ADGRL3: variants seen among roughly 807,000 people sequenced by gnomAD.
ADGRL3 encodes adhesion G protein-coupled receptor L3, also known as calcium-independent alpha-latrotoxin receptor 3.
A neutral mutation model predicts 153.5 loss-of-function variants in ADGRL3; 62 were observed. The observed-to-expected ratio is 0.40, with a 90% CI of 0.33 to 0.50. The LOEUF is 0.50. Among genes scored for constraint, ADGRL3 ranks in the 20% least tolerant of loss-of-function variants. The pLI, the probability that ADGRL3 is intolerant of heterozygous loss-of-function variation, is 0.47. For missense variants in ADGRL3, 1,641 were observed against 1,859.4 expected, an observed-to-expected ratio of 0.88 and a Z score of 2.16; for synonymous variants, 710 against 672.5, an observed-to-expected ratio of 1.06 and a Z score of -0.86.
intron 21 of ADGRL3, among the ~76,000 whole-genome samples, chr4:62,017,169 T>C (rs959613772): frequency 6.6e-5 from 10 of 152,074 alleles, no homozygotes; most frequent in African/African-American, 2.2e-4. Context: ...CTTCTAAGGT[T>C]TATACCAGTT....
intron 4 of ADGRL3, among the ~76,000 whole-genome samples, chr4:61,576,762 A>G (rs1214045849): frequency 2.6e-5 from 4 of 151,716 alleles, no homozygotes; most frequent in Non-Finnish European, 4.4e-5. Flanking sequence ...TCTAGTTGCT[A>G]CAAACATGCA....
intron 1 of ADGRL3, among the ~76,000 whole-genome samples, chr4:61,236,279 G>C (rs1027922355): frequency 1.3e-5 from 2 of 151,878 alleles, no homozygotes; most frequent in African/African-American, 4.8e-5. Flanking sequence ...CAAAGTGCTG[G>C]GATTACAGGC....
intron 8 of ADGRL3, among the ~76,000 whole-genome samples, chr4:61,758,521 C>A (rs971405108): frequency 2.0e-5 from 3 of 152,020 alleles, no homozygotes; most frequent in African/African-American, 7.2e-5. Flanking sequence ...TTTCTGTTTT[C>A]CATTTGCTTG....
chr4:62,020,729 G>A (rs2099233909), intron 21 of ADGRL3, among the ~76,000 whole-genome samples: 1 of 152,062 alleles, frequency 6.6e-6, no homozygotes, highest in Non-Finnish European at 1.5e-5. Context: ...CATTCCACAT[G>A]TGATGTTATG....
chr4:61,220,159 A>G (rs1365518597), intron 1 of ADGRL3, among the ~76,000 whole-genome samples: 2 of 151,880 alleles, frequency 1.3e-5, no homozygotes, highest in Non-Finnish European at 2.9e-5. Flanking sequence ...AAAGTCATCC[A>G]TGGCTGGAAC....
chr4:61,747,122 T>C (rs533853149), intron 8 of ADGRL3, among the ~76,000 whole-genome samples: 73 of 152,242 alleles, frequency 4.8e-4, no homozygotes, highest in African/African-American at 1.7e-3. Context: ...AATGGATAAA[T>C]TCCTCGACAC....
chr4:61,850,538 G>A (rs1427723826), intron 9 of ADGRL3, among the ~76,000 whole-genome samples: 1 of 152,158 alleles, frequency 6.6e-6, no homozygotes, highest in Non-Finnish European at 1.5e-5. Context: ...TTTAGCTCCT[G>A]TGTCTAATTT....
At chr4:61,366,352 T>C (rs1037353968) in intron 1 of ADGRL3, among the ~76,000 whole-genome samples, 1 of 152,142 alleles carries the variant, frequency 6.6e-6, no homozygotes, top group African/African-American at 2.4e-5. Context: ...ACAAGTGGAG[T>C]ATAGCCTGAC....
intron 17 of ADGRL3, 134 bp downstream of exon 17, chr4:61,948,410 G>C (rs1180531739): frequency 8.4e-6 from 5 of 595,152 alleles, no homozygotes; most frequent in Admixed American, 6.4e-5. Flanking sequence ...GGAACTCTCT[G>C]ATGTTCAAAC....
chr4:61,505,903 T>G (rs2098425114), intron 3 of ADGRL3, among the ~76,000 whole-genome samples: 1 of 152,038 alleles, frequency 6.6e-6, no homozygotes, highest in Non-Finnish European at 1.5e-5. Flanking sequence ...GGTTAATAAA[T>G]GTTGATACTG....
At chr4:61,368,016 T>C (rs1393469090) in intron 1 of ADGRL3, among the ~76,000 whole-genome samples, 2 of 151,532 alleles carry the variant, frequency 1.3e-5, no homozygotes, top group Non-Finnish European at 3.0e-5. Context: ...TCATGTGTTT[T>C]TTGGCTGCAT....
chr4:61,846,948 A>ATGTGTGTGTG (rs72301670), intron 9 of ADGRL3, among the ~76,000 whole-genome samples: 157 of 145,904 alleles, frequency 1.1e-3, no homozygotes, highest in Non-Finnish European at 1.6e-3. Context: ...TTTATATATT[A>ATGTGTGTGTG]TGTGTGTGTG....
At chr4:62,047,375 C>A (rs934114528) in intron 25 of ADGRL3, among the ~76,000 whole-genome samples, 4 of 151,986 alleles carry the variant, frequency 2.6e-5, no homozygotes, top group Non-Finnish European at 2.9e-5. Context: ...TCTATTCTTA[C>A]AAACAAGAAT....
At chr4:61,462,702 G>C (rs1302182707) in intron 2 of ADGRL3, among the ~76,000 whole-genome samples, 9 of 152,154 alleles carry the variant, frequency 5.9e-5, no homozygotes, top group African/African-American at 2.2e-4. Flanking sequence ...CTTATGAAAA[G>C]TTATATTGAT....
chr4:61,485,518 T>C (rs2098181202), intron 2 of ADGRL3, among the ~76,000 whole-genome samples: 1 of 152,216 alleles, frequency 6.6e-6, no homozygotes, highest in African/African-American at 2.4e-5. Context: ...AAATTGTCTA[T>C]GTGAAAGAGA....
intron 8 of ADGRL3, among the ~76,000 whole-genome samples, chr4:61,792,920 T>A (rs2097361178): frequency 6.6e-6 from 1 of 151,784 alleles, no homozygotes; most frequent in Admixed American, 6.6e-5. Context: ...GGTACCAATT[T>A]ACTGTATGAC....
At chr4:61,749,230 G>A (rs2096717888) in intron 8 of ADGRL3, among the ~76,000 whole-genome samples, 2 of 151,904 alleles carry the variant, frequency 1.3e-5, no homozygotes, top group Non-Finnish European at 1.5e-5. Context: ...GAGAGGATGT[G>A]GAGAAATAGG....
intron 3 of ADGRL3, among the ~76,000 whole-genome samples, chr4:61,501,314 C>T (rs1324035777): frequency 2.0e-5 from 3 of 152,062 alleles, no homozygotes; most frequent in Non-Finnish European, 4.4e-5. Context: ...TAAAAATGAA[C>T]ATTTATTCCT....
intron 8 of ADGRL3, among the ~76,000 whole-genome samples, chr4:61,752,094 C>T (rs959173107): frequency 3.3e-5 from 5 of 152,050 alleles, no homozygotes; most frequent in African/African-American, 1.2e-4. Flanking sequence ...AATGTTATAA[C>T]CACTTGGAGA....
Sources: allele counts gnomAD v4.1 joint callset (sites outside exome capture counted in the v4.1 genomes callset), GRCh38; gene constraint gnomAD v4.1.1; transcripts MANE v1.5; gene names NCBI Gene and HGNC (gene_info 2026-07-23, HGNC 2026-07-21).